The following RAB2A variants were observed in gnomAD, a reference collection of about 807,000 sequenced individuals.
RAB2A encodes ras-related protein Rab-2A.
Under a neutral mutation model 32.5 loss-of-function variants are expected in RAB2A, and 7 were observed. The ratio of observed to expected loss-of-function variants is 0.22; its 90% CI spans 0.12 to 0.40. The LOEUF (loss-of-function observed/expected upper bound fraction) is 0.40. Among genes scored for constraint, RAB2A ranks in the 10% least tolerant of loss-of-function variants. The probability of loss-of-function intolerance (pLI) is 1.00; values close to 1 mark genes in which losing one functional copy is unlikely to be tolerated. For synonymous variants in RAB2A, 79 were observed against 85.2 expected (o/e 0.93, Z 0.40); for missense variants, 108 against 260.7 (o/e 0.41, Z 4.03).
At chr8:60,590,185 T>C (rs1432513079) in intron 5 of RAB2A, among the ~76,000 whole-genome samples, 2 of 152,048 alleles carry the variant, frequency 1.3e-5, no homozygotes, top group African/African-American at 4.8e-5. Context: ...GGTCTTGAAC[T>C]CCTAACCTGA....
chr8:60,537,927 ACCT>A (rs1455812945), intron 1 of RAB2A, among the ~76,000 whole-genome samples: 1 of 151,846 alleles, frequency 6.6e-6, no homozygotes, highest in Non-Finnish European at 1.5e-5. Flanking sequence ...CAGTCCTCCC[ACCT>A]CAGCCTCCCA....
intron 1 of RAB2A, among the ~76,000 whole-genome samples, chr8:60,534,366 G>GGA (rs1374947117): frequency 6.6e-6 from 1 of 152,086 alleles, no homozygotes; most frequent in Non-Finnish European, 1.5e-5. Context: ...GGCTGAGGTA[G>GGA]GAGGATTGCT....
chr8:60,605,031 G>A (rs1393312363), intron 6 of RAB2A, among the ~76,000 whole-genome samples: 1 of 152,234 alleles, frequency 6.6e-6, no homozygotes, highest in East Asian at 1.9e-4. Flanking sequence ...AGAGGCCTAG[G>A]AAGGAAGAAT....
At chr8:60,572,318 G>A (rs1300389213) in intron 3 of RAB2A, among the ~76,000 whole-genome samples, 1 of 152,180 alleles carries the variant, frequency 6.6e-6, no homozygotes, top group Non-Finnish European at 1.5e-5. Context: ...GTTGGTGTTA[G>A]TGAGCATATC....
chr8:60,554,210 C>T (rs917512139), intron 1 of RAB2A, among the ~76,000 whole-genome samples: 3 of 152,120 alleles, frequency 2.0e-5, no homozygotes, highest in African/African-American at 7.2e-5. Flanking sequence ...AGGCTGAAGG[C>T]AGAAAGATCT....
chr8:60,596,937 A>G (rs1804040271), intron 6 of RAB2A, among the ~76,000 whole-genome samples: 1 of 152,050 alleles, frequency 6.6e-6, no homozygotes, highest in Non-Finnish European at 1.5e-5. Flanking sequence ...AATAAAAGTG[A>G]GGAAACAACA....
At chr8:60,589,872 C>T (rs181964897) in intron 5 of RAB2A, among the ~76,000 whole-genome samples, 78 of 152,082 alleles carry the variant, frequency 5.1e-4, no homozygotes, top group African/African-American at 1.9e-3. Flanking sequence ...ACAAAATATT[C>T]GTAAATTATA....
chr8:60,566,112 A>G (rs1446365556), intron 2 of RAB2A, among the ~76,000 whole-genome samples: 1 of 152,198 alleles, frequency 6.6e-6, no homozygotes, highest in Non-Finnish European at 1.5e-5. Flanking sequence ...TTCCCTATAT[A>G]ACTTTGGCCC....
intron 1 of RAB2A, among the ~76,000 whole-genome samples, chr8:60,553,428 A>AG (rs1284966999): frequency 3.3e-5 from 5 of 152,240 alleles, no homozygotes; most frequent in African/African-American, 1.2e-4. Flanking sequence ...TAACTAGGGT[A>AG]GGGCCTAGCC....
intron 6 of RAB2A, among the ~76,000 whole-genome samples, chr8:60,616,057 T>G (rs1804442367): frequency 6.6e-6 from 1 of 152,162 alleles, no homozygotes; most frequent in Non-Finnish European, 1.5e-5. Flanking sequence ...CCAAAGATTA[T>G]TTGTTATATT....
At chr8:60,570,032 C>T (rs1808174097) in intron 2 of RAB2A, 1 of 456,236 alleles carries the variant, frequency 2.2e-6, no homozygotes, top group African/African-American at 2.0e-5. Context: ...GTTAGCTTCT[C>T]ATCTGCTCGG....
chr8:60,571,712 T>C (rs1483392217), intron 2 of RAB2A, among the ~76,000 whole-genome samples: 13 of 152,216 alleles, frequency 8.5e-5, no homozygotes, highest in Admixed American at 8.5e-4. Context: ...AATTTTAATA[T>C]TTAACATTTG....
At chr8:60,605,706 GC>G (rs1323727863) in intron 6 of RAB2A, among the ~76,000 whole-genome samples, 1 of 151,966 alleles carries the variant, frequency 6.6e-6, no homozygotes, top group African/African-American at 2.4e-5. Flanking sequence ...GGCACCTATA[GC>G]CCCTTTCTTT....
intron 5 of RAB2A, among the ~76,000 whole-genome samples, chr8:60,588,804 C>T (rs959262018): frequency 1.1e-4 from 16 of 152,052 alleles, no homozygotes; most frequent in Admixed American, 3.3e-4. Flanking sequence ...TGTTACACCT[C>T]AAAAAAGCTA....
intron 1 of RAB2A, among the ~76,000 whole-genome samples, chr8:60,538,137 T>C (rs1807585289): frequency 6.6e-6 from 1 of 152,262 alleles, no homozygotes; most frequent in Non-Finnish European, 1.5e-5. Context: ...TTAATACCTC[T>C]GTAACTTATT....
chr8:60,596,046 G>A (rs1409019798), intron 6 of RAB2A, among the ~76,000 whole-genome samples: 1 of 152,146 alleles, frequency 6.6e-6, no homozygotes, highest in Non-Finnish European at 1.5e-5. Context: ...CCAATTTGTG[G>A]AAAATAGCTA....
At chr8:60,593,893 TAAA>T (rs894124325) in intron 6 of RAB2A, among the ~76,000 whole-genome samples, 10 of 143,578 alleles carry the variant, frequency 7.0e-5, no homozygotes, top group Non-Finnish European at 1.5e-4. Context: ...AAATGCAAGA[TAAA>T]AAAAAGAACC....
At chr8:60,547,385 A>C (rs1279040845) in intron 1 of RAB2A, among the ~76,000 whole-genome samples, 1 of 152,164 alleles carries the variant, frequency 6.6e-6, no homozygotes, top group African/African-American at 2.4e-5. Context: ...CATTGTCATC[A>C]TGGCCCGTTC....
chr8:60,592,768 T>A (rs1343462322), intron 6 of RAB2A, among the ~76,000 whole-genome samples: 1 of 152,208 alleles, frequency 6.6e-6, no homozygotes, highest in Admixed American at 6.5e-5. Flanking sequence ...AAATAGATGA[T>A]TACGTAGTTG....
Sources: allele counts gnomAD v4.1 joint callset (sites outside exome capture counted in the v4.1 genomes callset), GRCh38; gene constraint gnomAD v4.1.1; transcripts MANE v1.5; gene names NCBI Gene and HGNC (gene_info 2026-07-23, HGNC 2026-07-21).